Variants in FSAF1 observed in about 807,000 individuals in gnomAD.
FSAF1 encodes the protein uncharacterized protein C1orf131.
the FSAF1 span, chr1:231,229,213 A>G: frequency 4.5e-6 from 7 of 1,565,264 alleles, no homozygotes; most frequent in East Asian, 1.6e-4. Flanking sequence ...TAGCCTGCTG[A>G]GAGAAAAAAT....
At chr1:231,229,106 A>C in the FSAF1 span, 1 of 1,175,292 alleles carries the variant, frequency 8.5e-7, no homozygotes, top group Admixed American at 2.3e-5. Flanking sequence ...AAATACTGTA[A>C]ATAAAGTTAA....
chr1:231,225,135 C>T, the FSAF1 span: 1 of 323,854 alleles, frequency 3.1e-6, no homozygotes, highest in East Asian at 5.1e-5. Flanking sequence ...CTCTATCTTA[C>T]GTGGTATGTC....
chr1:231,224,330 A>T, the FSAF1 span: 1 of 1,613,898 alleles, frequency 6.2e-7, no homozygotes, highest in Non-Finnish European at 8.5e-7. Context: ...CTGGGCTCAG[A>T]ATCAGTGTTC....
chr1:231,235,526 C>T, the FSAF1 span, among the ~76,000 whole-genome samples: 2 of 151,228 alleles, frequency 1.3e-5, no homozygotes, highest in Non-Finnish European at 2.9e-5. Context: ...GATGGCTGGG[C>T]ACAGTGGCTC....
At chr1:231,235,832 G>A in the FSAF1 span, among the ~76,000 whole-genome samples, 1 of 152,142 alleles carries the variant, frequency 6.6e-6, no homozygotes, top group East Asian at 1.9e-4. Flanking sequence ...ATAAATGGTG[G>A]CCAAGTTCCG....
chr1:231,229,270 G>A, the FSAF1 span: 602 of 1,163,582 alleles, frequency 5.2e-4, 3 homozygotes, highest in East Asian at 1.4e-3. Flanking sequence ...ATCTATCACC[G>A]AAAGAGTAGA....
the FSAF1 span, among the ~76,000 whole-genome samples, chr1:231,235,497 A>T: frequency 6.8e-6 from 1 of 148,054 alleles, no homozygotes; most frequent in Admixed American, 6.8e-5. Context: ...CTCCATCTCA[A>T]AAAAAAAAAA....
At chr1:231,233,058 G>A in the FSAF1 span, among the ~76,000 whole-genome samples, 1 of 152,320 alleles carries the variant, frequency 6.6e-6, no homozygotes, top group South Asian at 2.1e-4. Context: ...GTAAAAGTAA[G>A]AAGAGGCACT....
chr1:231,231,150 G>A, the FSAF1 span, among the ~76,000 whole-genome samples: 1 of 152,110 alleles, frequency 6.6e-6, no homozygotes, highest in Non-Finnish European at 1.5e-5. Context: ...CTCCCACTTG[G>A]CTGACAGCAT....
the FSAF1 span, among the ~76,000 whole-genome samples, chr1:231,233,661 T>C: frequency 6.6e-6 from 1 of 152,150 alleles, no homozygotes; most frequent in Non-Finnish European, 1.5e-5. Flanking sequence ...CAAGCGATTC[T>C]CCTGCCTCAG....
chr1:231,224,692 CT>C, the FSAF1 span: 1 of 378,752 alleles, frequency 2.6e-6, no homozygotes, highest in South Asian at 7.3e-5. Flanking sequence ...ATGTCACCTC[CT>C]CAGACTAATT....
chr1:231,241,144 T>G, the FSAF1 span: 5 of 1,608,094 alleles, frequency 3.1e-6, no homozygotes, highest in Admixed American at 5.0e-5. Flanking sequence ...ACCCTCATTC[T>G]GCCGCGCTGC....
At chr1:231,241,147 C>A in the FSAF1 span, 1 of 1,605,842 alleles carries the variant, frequency 6.2e-7, no homozygotes, top group Admixed American at 1.7e-5. Context: ...CTCATTCTGC[C>A]GCGCTGCACC....
the FSAF1 span, among the ~76,000 whole-genome samples, chr1:231,232,803 G>C: frequency 6.6e-6 from 1 of 152,164 alleles, no homozygotes; most frequent in African/African-American, 2.4e-5. Context: ...GGGTGATTTA[G>C]GTATTTTCTC....
At chr1:231,234,788 T>C in the FSAF1 span, among the ~76,000 whole-genome samples, 6 of 152,214 alleles carry the variant, frequency 3.9e-5, no homozygotes, top group Non-Finnish European at 2.9e-5. This position sits in a 1 kb window ranked among gnomAD's most constrained non-coding sequence, Gnocchi z 4.0. Context: ...TGTCCTAGTC[T>C]TGCTAGACTT....
At chr1:231,239,104 A>G in the FSAF1 span, 1 of 1,613,410 alleles carries the variant, frequency 6.2e-7, no homozygotes, top group Non-Finnish European at 8.5e-7. Context: ...CTCTGCTGCC[A>G]AGGCCGCTGA....
the FSAF1 span, chr1:231,239,141 C>A: frequency 6.2e-7 from 1 of 1,600,386 alleles, no homozygotes; most frequent in Non-Finnish European, 8.5e-7. Flanking sequence ...TTCTTGTTTT[C>A]CCTTTTCTTT....
the FSAF1 span, among the ~76,000 whole-genome samples, chr1:231,228,561 T>G: frequency 7.0e-6 from 1 of 142,554 alleles, no homozygotes; most frequent in Non-Finnish European, 1.5e-5. Context: ...ATCCTGCCAC[T>G]GCACTCCAGC....
chr1:231,239,441 T>C, the FSAF1 span, among the ~76,000 whole-genome samples: 11 of 152,340 alleles, frequency 7.2e-5, no homozygotes, highest in Non-Finnish European at 1.5e-4. Context: ...TCCACTTTGG[T>C]TCCTACTCAA....
Sources: allele counts gnomAD v4.1 joint callset (sites outside exome capture counted in the v4.1 genomes callset), GRCh38; gene constraint gnomAD v4.1.1; non-coding constraint Gnocchi (gnomAD v3.1); transcripts MANE v1.5; gene names NCBI Gene and HGNC (gene_info 2026-07-23, HGNC 2026-07-21).